GNAI1: variants seen among roughly 807,000 people sequenced by gnomAD.
The protein encoded by GNAI1 is guanine nucleotide-binding protein G(i) subunit alpha-1.
In GNAI1, 11 loss-of-function variants were observed where a neutral mutation model predicts 38.9. That is an observed-to-expected ratio of 0.28 (90% confidence interval 0.18 to 0.47). The LOEUF is 0.47. Ranked by LOEUF, GNAI1 falls within the 20% of genes least tolerant of loss-of-function variation. The probability of loss-of-function intolerance (pLI) is 0.99; values close to 1 mark genes in which losing one functional copy is unlikely to be tolerated. For missense variants in GNAI1, 317 were observed against 436.9 expected, an observed-to-expected ratio of 0.73 and a Z score of 2.45; for synonymous variants, 166 against 145.1, an observed-to-expected ratio of 1.14 and a Z score of -1.04.
intron 4 of GNAI1, 78 bp from the exon 5 acceptor site, chr7:80,203,624 ATG>A (rs1412286829): frequency 1.9e-5 from 16 of 822,706 alleles, no homozygotes; most frequent in Non-Finnish European, 3.0e-5. Context: ...TTGTATTGAA[ATG>A]TGTTTTAATT....
chr7:80,144,331 A>G (rs1182981265), intron 1 of GNAI1, among the ~76,000 whole-genome samples: 1 of 151,834 alleles, frequency 6.6e-6, no homozygotes, highest in African/African-American at 2.4e-5. Context: ...ACAACTTTCC[A>G]CAAAATATAA....
chr7:80,206,078 T>C (rs1310535532), intron 5 of GNAI1, among the ~76,000 whole-genome samples: 1 of 152,104 alleles, frequency 6.6e-6, no homozygotes, highest in Non-Finnish European at 1.5e-5. Flanking sequence ...TTAAATTATA[T>C]GCAACGATAC....
Position 80,221,829 on chromosome 7 carries a change from G to GA in GNAI1, c.*4336_*4337insA. Among the ~76,000 whole-genome samples, 3 of 151,564 alleles carry GA rather than the reference G, an allele frequency of 2.0e-5. No homozygotes were observed. The highest frequency in any genetic ancestry group is 2.0e-4 in the Admixed American group (3 of 15,210). ...AGCTAATTTTTGTATTTTTAGTAAA[G>GA]GGGGGTTTCACCATGTTGGCCAGGA... On this transcript the variant is annotated 3_prime_UTR_variant, in exon 8 of 8. Coordinates refer to ENST00000649796, the MANE Select transcript of GNAI1 (RefSeq NM_002069.6).
intron 4 of GNAI1, among the ~76,000 whole-genome samples, chr7:80,200,324 C>CAAAAAAAAAAAAAAAAAAAAAAA (rs59511755): frequency 2.5e-5 from 1 of 40,376 alleles, no homozygotes; most frequent in African/African-American, 1.7e-4. Context: ...GGCCATGTCT[C>CAAAAAAAAAAAAAAAAAAAAAAA]AAAAAAAAAA....
At position 80,223,808 on chromosome 7, in the gene GNAI1, T is replaced by A. The variant is rs1039340208; in HGVS notation, c.*6315T>A. On this transcript the variant is annotated 3_prime_UTR_variant, in exon 8 of 8. Coordinates refer to ENST00000649796, the MANE Select transcript of GNAI1 (RefSeq NM_002069.6). The stretch of plus-strand genomic sequence containing the variant: ...TAATAAATATAACTTTTTTGCAGAC[T>A]TGAGCATACGTTTAAACCATTTAAC... Among the ~76,000 whole-genome samples, 2 of 152,220 alleles carry A rather than the reference T, an allele frequency of 1.3e-5. No homozygotes were observed. The highest frequency in any genetic ancestry group is 4.8e-5 in the African/African-American group (2 of 41,460).
At chr7:80,186,316 C>G (rs1222016464) in intron 1 of GNAI1, among the ~76,000 whole-genome samples, 1 of 152,180 alleles carries the variant, frequency 6.6e-6, no homozygotes, top group Non-Finnish European at 1.5e-5. Context: ...CAGGCATGAG[C>G]CACCGTGCCT....
At chr7:80,203,593 T>G (rs936231080) in intron 4 of GNAI1, 111 bp from the exon 5 acceptor site, 3 of 658,064 alleles carry the variant, frequency 4.6e-6, no homozygotes, top group Admixed American at 3.5e-5. Flanking sequence ...TTAAAAACTT[T>G]TAGTGATTTC....
intron 1 of GNAI1, among the ~76,000 whole-genome samples, chr7:80,170,400 A>G (rs1301735067): frequency 1.3e-5 from 2 of 152,108 alleles, no homozygotes; most frequent in Non-Finnish European, 2.9e-5. Context: ...AATGTTATTG[A>G]TCATCTTTTC....
At chr7:80,148,244 G>GGT (rs1243505928) in intron 1 of GNAI1, among the ~76,000 whole-genome samples, 1 of 152,182 alleles carries the variant, frequency 6.6e-6, no homozygotes, top group African/African-American at 2.4e-5. Context: ...CTGTGCACAT[G>GGT]GTGATGCTTG....
intron 6 of GNAI1, 65 bp downstream of exon 6, chr7:80,211,163 T>A (rs1788866857): frequency 9.9e-6 from 14 of 1,417,896 alleles, no homozygotes; most frequent in Non-Finnish European, 9.9e-7. Flanking sequence ...GCCAAGAATT[T>A]CTTTCTAATG....
intron 1 of GNAI1, among the ~76,000 whole-genome samples, chr7:80,147,676 A>G (rs1787652356): frequency 6.6e-6 from 1 of 152,174 alleles, no homozygotes; most frequent in South Asian, 2.1e-4. Context: ...GGTGCATACA[A>G]CATGATTTCC....
At chr7:80,201,140 G>C (rs1354930131) in intron 4 of GNAI1, among the ~76,000 whole-genome samples, 1 of 152,092 alleles carries the variant, frequency 6.6e-6, no homozygotes, top group Non-Finnish European at 1.5e-5. Context: ...ACATCACAGA[G>C]GCTAGAAGAC....
chr7:80,186,721 G>A (rs916291788), intron 1 of GNAI1, among the ~76,000 whole-genome samples: 1 of 152,072 alleles, frequency 6.6e-6, no homozygotes, highest in Non-Finnish European at 1.5e-5. Context: ...CCCTGTGTAC[G>A]AATCCTGGGA....
chr7:80,217,242 A>AGGTTCATATGTATGAAACT, intron 7 of GNAI1, 61 bp from the exon 8 acceptor site: 1 of 1,077,344 alleles, frequency 9.3e-7, no homozygotes, highest in Non-Finnish European at 1.3e-6. Flanking sequence ...AACTGAATTC[A>AGGTTCATATGTATGAAACT]GTATTTTAAG....
chr7:80,200,912 C>A (rs1206075923), intron 4 of GNAI1, among the ~76,000 whole-genome samples: 1 of 152,126 alleles, frequency 6.6e-6, no homozygotes, highest in Non-Finnish European at 1.5e-5. Flanking sequence ...TCCTTGCGCT[C>A]CAGTTTTAGG....
chr7:80,190,972 T>A (rs1454185409), intron 3 of GNAI1, among the ~76,000 whole-genome samples: 2 of 152,306 alleles, frequency 1.3e-5, no homozygotes, highest in East Asian at 3.9e-4. Context: ...TAAACCAGTT[T>A]TCTGATGCTT....
rs1298771603 is a variant in GNAI1, at chr7:80,223,361, C to G, written c.*5868C>G. On this transcript the variant is annotated 3_prime_UTR_variant, in exon 8 of 8. Coordinates refer to ENST00000649796, the MANE Select transcript of GNAI1 (RefSeq NM_002069.6). ...TTGCAGTTATTTTTTACTAAGTTGA[C>G]AAATGTTTGTACAATTTCAGTGTAA... Among the ~76,000 whole-genome samples, 1 of 152,174 alleles carries G rather than the reference C, an allele frequency of 6.6e-6. No homozygotes were observed. The highest frequency in any genetic ancestry group is 1.5e-5 in the Non-Finnish European group (1 of 68,026).
At chr7:80,154,088 A>G (rs928258369) in intron 1 of GNAI1, among the ~76,000 whole-genome samples, 5 of 151,922 alleles carry the variant, frequency 3.3e-5, no homozygotes, top group African/African-American at 1.2e-4. Flanking sequence ...AAACCCAGCT[A>G]AATTTTGTAT....
chr7:80,168,130 T>TCA (rs1788043110), intron 1 of GNAI1, among the ~76,000 whole-genome samples: 1 of 152,156 alleles, frequency 6.6e-6, no homozygotes, highest in African/African-American at 2.4e-5. Context: ...CATGAGAACT[T>TCA]CAACTTGCAA....
Sources: allele counts gnomAD v4.1 joint callset (sites outside exome capture counted in the v4.1 genomes callset), GRCh38; gene constraint gnomAD v4.1.1; transcripts MANE v1.5; gene names NCBI Gene and HGNC (gene_info 2026-07-23, HGNC 2026-07-21).